The following MORN1 variants were observed in gnomAD, a reference collection of about 807,000 sequenced individuals.
The protein encoded by MORN1 is MORN repeat-containing protein 1.
MORN1 carries 67 observed loss-of-function variants against 61.9 expected under a neutral mutation model. That is an observed-to-expected ratio of 1.08 (90% CI 0.89 to 1.33). MORN1 has a LOEUF of 1.33. MORN1 is among the 40% of genes most tolerant of loss of function. MORN1 has a pLI of 0.00. For missense variants in MORN1, 752 were observed against 691.2 expected, an observed-to-expected ratio of 1.09 and a Z score of -0.99; for synonymous variants, 301 against 292.0, an observed-to-expected ratio of 1.03 and a Z score of -0.31.
rs536491708 is a variant in MORN1, at chr1:2,344,243, C to T, written c.1037-7393G>A. On this transcript the variant is annotated intron_variant, in intron 10 of 13. Coordinates refer to ENST00000378531, the MANE Select transcript of MORN1 (RefSeq NM_024848.3). Reference sequence around the variant, plus strand: ...AGAGCGGCATCACCTGAGGGCTGGGCGTGGCCAGGCACAAGGGGCTGGCGG... The same window carrying T: ...AGAGCGGCATCACCTGAGGGCTGGGTGTGGCCAGGCACAAGGGGCTGGCGG... Among the ~76,000 whole-genome samples the T allele has an allele frequency of 8.5e-5, 13 of 152,156 alleles. 1 individual carries two copies. The South Asian group carries it at 2.5e-3, about 29-fold the overall frequency.
Position 2,388,141 on chromosome 1 carries a change from G to A in MORN1, c.247+98C>T, listed in dbSNP as rs932459454. 5.3e-5 allele frequency: 50 copies of A among 945,086 alleles called. No homozygotes were observed. In the Admixed American group the frequency reaches 7.4e-4, roughly 14 times the overall value. The allele number at this position is 945,086 out of a possible 1,614,324, so 58.5% of individuals were successfully genotyped here. ...GGCCTCTCACGGCACAAAGCTTCCC[G>A]TCTACACGTCACGCCTTCTGCATCT... On this transcript the variant is annotated intron_variant, in intron 3 of 13. Transcript: ENST00000378531.
rs536854833 is a variant in MORN1, at chr1:2,331,450, G to A, written c.1250+5019C>T. On this transcript the variant is annotated intron_variant, in intron 12 of 13. Transcript: ENST00000378531. ...GGGGGTGCCCTGGCAGGCGGATGCC[G>A]GGCCTCAGCCTCTGGCTGTGTCTGT... 4.5e-4 allele frequency among the ~76,000 whole-genome samples: 69 copies of A among 152,332 alleles called. 1 individual carries two copies. The highest frequency in any genetic ancestry group is 1.6e-3 in the Admixed American group (25 of 15,310).
chr1:2,324,545 C>T (rs561908662), intron 12 of MORN1, among the ~76,000 whole-genome samples: 71 of 152,312 alleles, frequency 4.7e-4, no homozygotes, highest in African/African-American at 1.5e-3. Flanking sequence ...CTGCAGGGAG[C>T]GACTTAGGAG....
Position 2,390,383 on chromosome 1 carries a change from CAG to C in MORN1, c.77-389_77-388del, listed in dbSNP as rs1167494576. The C allele has an allele frequency of 7.2e-6, 7 of 977,280 alleles. No individual in the cohort carries two copies. The South Asian group carries it at 2.8e-4, about 40-fold the overall frequency. 60.5% of individuals were successfully genotyped at this position (977,280 alleles called of 1,614,324 possible). A position where few individuals can be genotyped will look rare whatever the true frequency, so the allele number is the denominator to read the frequency against. ...AGAGCGGCAGTGTCAGTGAGGCACA[CAG>C]GGGAGGAGCAGACTCTCCCATCCCC... is the stretch of plus-strand genomic sequence containing the variant. On this transcript the variant is annotated intron_variant, in intron 1 of 13. Coordinates refer to ENST00000378531, the MANE Select transcript of MORN1 (RefSeq NM_024848.3).
chr1:2,355,606 G>T, intron 10 of MORN1: 2 of 842,830 alleles, frequency 2.4e-6, no homozygotes, highest in South Asian at 1.6e-5. Context: ...GCATTCCGCT[G>T]CCGCTTTCTC....
chr1:2,346,308 A>G (rs1177711604), intron 10 of MORN1, among the ~76,000 whole-genome samples: 1 of 152,234 alleles, frequency 6.6e-6, no homozygotes, highest in Non-Finnish European at 1.5e-5. Flanking sequence ...AGGCTGAGGC[A>G]GGAGGATCAC....
At chr1:2,339,272 C>A (rs1234144453) in intron 10 of MORN1, among the ~76,000 whole-genome samples, 1 of 152,186 alleles carries the variant, frequency 6.6e-6, no homozygotes, top group Non-Finnish European at 1.5e-5. Flanking sequence ...GATGTCACCT[C>A]CCCCTCCCTC....
At chr1:2,356,355 T>A (rs1303612450) in intron 10 of MORN1, among the ~76,000 whole-genome samples, 1 of 152,122 alleles carries the variant, frequency 6.6e-6, no homozygotes, top group African/African-American at 2.4e-5. Flanking sequence ...TTTATCTGCA[T>A]GTGGAAGGTG....
At chr1:2,362,285 A>C (rs77979998) in intron 8 of MORN1, among the ~76,000 whole-genome samples, 9,516 of 152,270 alleles carry the variant, frequency 0.062, 1,000 homozygotes, top group African/African-American at 0.21. Context: ...GATTATCACA[A>C]AGATCATCCT....
In MORN1 at chr1:2,372,213, T is replaced by C; in HGVS notation, c.745+268A>G. Reference sequence around the variant, plus strand: ...ATACACATTCAGACCTGTGCACACCTGTGCAAGGCATACACACATATGCAC... The same window carrying C: ...ATACACATTCAGACCTGTGCACACCCGTGCAAGGCATACACACATATGCAC... On this transcript the variant is annotated intron_variant, in intron 8 of 13. Transcript: ENST00000378531. This position sits in a 1 kb window ranked among gnomAD's most constrained non-coding sequence, Gnocchi z 5.4. The C allele has an allele frequency of 2.4e-6, 1 of 415,406 alleles. No individual in the cohort carries two copies. Among genetic ancestry groups the C allele is most frequent in the South Asian group, 2.3e-5 (1 of 44,278 alleles). The allele number at this position is 415,406 out of a possible 1,614,324, so 25.7% of individuals were successfully genotyped here. A position where few individuals can be genotyped will look rare whatever the true frequency, so the allele number is the denominator to read the frequency against.
chr1:2,322,968 C>T (rs745754529), intron 13 of MORN1: 39 of 985,344 alleles, frequency 4.0e-5, no homozygotes, highest in Middle Eastern at 5.2e-4. Flanking sequence ...CTCGGCCATA[C>T]GTACATGGCT....
chr1:2,341,414 G>A (rs1047849151), intron 10 of MORN1, among the ~76,000 whole-genome samples: 4 of 152,126 alleles, frequency 2.6e-5, no homozygotes, highest in African/African-American at 9.7e-5. Flanking sequence ...GGCTAAAAGG[G>A]GCCGGGCGTG....
intron 1 of MORN1, chr1:2,390,502 G>C: frequency 1.0e-6 from 1 of 985,402 alleles, no homozygotes; most frequent in Non-Finnish European, 1.2e-6. Flanking sequence ...CCTCCTAGTT[G>C]CTGGGTGTGC....
At chr1:2,367,455 A>G (rs577600603) in intron 8 of MORN1, among the ~76,000 whole-genome samples, 1 of 128,430 alleles carries the variant, frequency 7.8e-6, no homozygotes, top group East Asian at 2.4e-4. Context: ...TTCTGTCTCT[A>G]CAAAAAAAAA....
chr1:2,321,312 G>T lies in MORN1; in HGVS notation c.*71C>A. 1.7e-6 allele frequency: 2 copies of T among 1,143,722 alleles called. No individual in the cohort carries two copies. The highest frequency in any genetic ancestry group is 1.6e-5 in the South Asian group (1 of 61,428). The allele number at this position is 1,143,722 out of a possible 1,614,324, so 70.8% of individuals were successfully genotyped here. A position where few individuals can be genotyped will look rare whatever the true frequency, so the allele number is the denominator to read the frequency against. ...CCACGGGGCTCTGGAGAATCGGGGAGCAGAGTCACGCAAGCAGAGGCAGCG... is the reference window on the plus strand; with the variant it reads ...CCACGGGGCTCTGGAGAATCGGGGATCAGAGTCACGCAAGCAGAGGCAGCG... On this transcript the variant is annotated 3_prime_UTR_variant, in exon 14 of 14. Coordinates refer to ENST00000378531, the MANE Select transcript of MORN1 (RefSeq NM_024848.3).
intron 10 of MORN1, chr1:2,355,350 C>A: frequency 6.6e-7 from 1 of 1,524,882 alleles, no homozygotes; most frequent in Non-Finnish European, 8.9e-7. Flanking sequence ...GGCCCTGCTG[C>A]CCCACCTGGG....
intron 8 of MORN1, among the ~76,000 whole-genome samples, chr1:2,359,798 G>A (rs969412445): frequency 4.6e-5 from 7 of 151,676 alleles, no homozygotes; most frequent in African/African-American, 1.5e-4. Context: ...CAGGAGAATC[G>A]CTTGAACCCA....
intron 8 of MORN1, among the ~76,000 whole-genome samples, chr1:2,359,222 G>A (rs962832844): frequency 2.0e-5 from 3 of 152,072 alleles, no homozygotes; most frequent in Non-Finnish European, 2.9e-5. Context: ...GGCTCTCCGT[G>A]CCCATCTCCC....
intron 7 of MORN1, 86 bp downstream of exon 7, chr1:2,374,375 C>T (rs2100341808): frequency 8.5e-7 from 1 of 1,182,022 alleles, no homozygotes; most frequent in East Asian, 2.6e-5. Context: ...TGCTCTTGGT[C>T]AGTGTTTCCC....
Sources: allele counts gnomAD v4.1 joint callset (sites outside exome capture counted in the v4.1 genomes callset), GRCh38; gene constraint gnomAD v4.1.1; non-coding constraint Gnocchi (gnomAD v3.1); transcripts MANE v1.5; gene names NCBI Gene and HGNC (gene_info 2026-07-23, HGNC 2026-07-21).